Variants in DNAAF11 observed in about 807,000 individuals in gnomAD.
DNAAF11 encodes the protein leucine rich repeat containing 6.
A neutral mutation model predicts 60.8 loss-of-function variants in DNAAF11; 45 were observed. The observed-to-expected ratio is 0.74, with a 90% CI of 0.58 to 0.95. DNAAF11 has a LOEUF of 0.95. DNAAF11 is among the 40% of genes least tolerant of loss of function. The pLI is 0.00. For synonymous variants in DNAAF11, 191 were observed against 183.5 expected (o/e 1.04, Z -0.33); for missense variants, 546 against 546.2 (o/e 1.00, Z 0.00).
At chr8:132,634,982 A>G (rs1388891974) in intron 4 of DNAAF11, among the ~76,000 whole-genome samples, 2 of 152,014 alleles carry the variant, frequency 1.3e-5, no homozygotes, top group Non-Finnish European at 2.9e-5. Context: ...AAATGATGTA[A>G]GTCTATTTTG....
At chr8:132,624,207 C>T (rs1820033770) in intron 6 of DNAAF11, among the ~76,000 whole-genome samples, 1 of 152,146 alleles carries the variant, frequency 6.6e-6, no homozygotes, top group Admixed American at 6.5e-5. Context: ...CTTGAGTCTG[C>T]AAAGCACTTT....
At chr8:132,649,977 A>G (rs953355710) in intron 3 of DNAAF11, among the ~76,000 whole-genome samples, 2 of 152,250 alleles carry the variant, frequency 1.3e-5, no homozygotes, top group Non-Finnish European at 2.9e-5. Flanking sequence ...TCAAGGATCT[A>G]GAACTAGAAA....
chr8:132,574,728 C>T (rs368390065), intron 11 of DNAAF11, among the ~76,000 whole-genome samples: 23 of 152,092 alleles, frequency 1.5e-4, no homozygotes, highest in African/African-American at 5.1e-4. Flanking sequence ...TCTTGGGGAC[C>T]CTCGACACAC....
upstream of DNAAF11, among the ~76,000 whole-genome samples, chr8:132,675,929 C>CT (rs1234120120): frequency 6.6e-6 from 1 of 152,226 alleles, no homozygotes; most frequent in African/African-American, 2.4e-5. Context: ...GCCCCCAACT[C>CT]TACCAGCGGC....
rs140479410 is a variant in DNAAF11 at position 132,580,499 on chromosome 8, C to T, written c.1226+3195G>A. Among the ~76,000 whole-genome samples the T allele has an allele frequency of 9.1e-4, 139 of 152,152 alleles. 1 individual carries two copies. The highest frequency in any genetic ancestry group is 8.7e-3 in the East Asian group (45 of 5,180). Reference sequence around the variant, plus strand: ...ACATTGTGAATATACTAACTGCCACCGAATTGTACACTTTTAAATGATTAC... The same window carrying T: ...ACATTGTGAATATACTAACTGCCACTGAATTGTACACTTTTAAATGATTAC... On this transcript the variant is annotated intron_variant, in intron 11 of 11. Transcript: ENST00000620350.
intron 3 of DNAAF11, among the ~76,000 whole-genome samples, chr8:132,653,123 A>C (rs185804034): frequency 5.3e-5 from 8 of 152,360 alleles, no homozygotes; most frequent in East Asian, 1.9e-4. Context: ...GATCAGTATA[A>C]TACTACTAAA....
chr8:132,651,717 C>T (rs17663290), intron 3 of DNAAF11, among the ~76,000 whole-genome samples: 9,421 of 152,186 alleles, frequency 0.062, 447 homozygotes, highest in Admixed American at 0.12. Context: ...AATTAACAAG[C>T]GCTGGACAAC....
intron 8 of DNAAF11, among the ~76,000 whole-genome samples, chr8:132,614,090 A>G (rs1367194168): frequency 2.6e-5 from 4 of 152,218 alleles, no homozygotes; most frequent in African/African-American, 7.2e-5. Context: ...TCTGACCACA[A>G]ACTTTTAAGA....
At chr8:132,696,864 G>A in the DNAAF11 span, among the ~76,000 whole-genome samples, 1 of 152,114 alleles carries the variant, frequency 6.6e-6, no homozygotes, top group African/African-American at 2.4e-5. Flanking sequence ...CCAATGAGGG[G>A]AACAGCAGAC....
chr8:132,675,399 G>A, intron 1 of DNAAF11, 85 bp downstream of exon 1: 3 of 1,442,320 alleles, frequency 2.1e-6, no homozygotes, highest in Non-Finnish European at 2.8e-6. Flanking sequence ...AGCGCAGGGC[G>A]GGAGCGGGCG....
chr8:132,690,758 C>T, the DNAAF11 span, among the ~76,000 whole-genome samples: 2 of 152,110 alleles, frequency 1.3e-5, no homozygotes, highest in Admixed American at 6.6e-5. Flanking sequence ...ATTTATTTGC[C>T]AGTTTTACAA....
At chr8:132,582,889 G>C (rs1363350750) in intron 11 of DNAAF11, among the ~76,000 whole-genome samples, 1 of 152,170 alleles carries the variant, frequency 6.6e-6, no homozygotes, top group East Asian at 1.9e-4. Flanking sequence ...AAGGACAGTT[G>C]GAAGAACTGG....
intron 10 of DNAAF11, among the ~76,000 whole-genome samples, chr8:132,600,690 A>G (rs1817519147): frequency 6.6e-6 from 1 of 152,258 alleles, no homozygotes; most frequent in Non-Finnish European, 1.5e-5. Flanking sequence ...TCCCTATTTA[A>G]TAAATGGTGC....
chr8:132,687,857 G>T, the DNAAF11 span, among the ~76,000 whole-genome samples: 1 of 152,172 alleles, frequency 6.6e-6, no homozygotes, highest in African/African-American at 2.4e-5. Flanking sequence ...CTGTGAAGCA[G>T]TCCCCCAGGA....
At chr8:132,674,718 G>A (rs1030711587) in intron 1 of DNAAF11, among the ~76,000 whole-genome samples, 3 of 152,118 alleles carry the variant, frequency 2.0e-5, no homozygotes, top group African/African-American at 4.8e-5. Context: ...GCAAAACCCC[G>A]TCTCTACTAA....
At chr8:132,680,251 A>G (rs555077677), upstream of DNAAF11, among the ~76,000 whole-genome samples, 5 of 152,246 alleles carry the variant, frequency 3.3e-5, no homozygotes, top group Non-Finnish European at 7.3e-5. Flanking sequence ...TGTTTATGCA[A>G]ATCATTGTTC....
chr8:132,675,705 C>G, upstream of DNAAF11: 1 of 443,672 alleles, frequency 2.3e-6, no homozygotes, highest in Non-Finnish European at 4.0e-6. Flanking sequence ...GCTCAGCAGA[C>G]AGGGGTTCCC....
At chr8:132,594,311 A>G (rs1816768760) in intron 10 of DNAAF11, among the ~76,000 whole-genome samples, 1 of 152,214 alleles carries the variant, frequency 6.6e-6, no homozygotes, top group African/African-American at 2.4e-5. Flanking sequence ...AATTTAACAA[A>G]TAAGGCCATT....
chr8:132,695,676 A>G, the DNAAF11 span, among the ~76,000 whole-genome samples: 4 of 152,136 alleles, frequency 2.6e-5, no homozygotes, highest in Non-Finnish European at 4.4e-5. Flanking sequence ...ACTTAGTAAG[A>G]TGATTGCGAG....
Sources: gnomAD v4.1 joint callset for allele counts (sites outside exome capture counted in the v4.1 genomes callset) on GRCh38, gnomAD v4.1.1 for gene constraint, MANE v1.5 for transcripts, NCBI Gene and HGNC (gene_info 2026-07-23, HGNC 2026-07-21) for gene names.